The following CNTNAP2 variants were observed in gnomAD, a reference collection of about 807,000 sequenced individuals.
CNTNAP2 encodes the protein contactin associated protein 2.
In CNTNAP2, 98 loss-of-function variants were observed where a neutral mutation model predicts 155.2. The ratio of observed to expected loss-of-function variants is 0.63; its 90% CI spans 0.54 to 0.75. The LOEUF (loss-of-function observed/expected upper bound fraction) is 0.75. Ranked by LOEUF, CNTNAP2 falls within the 30% of genes least tolerant of loss-of-function variation. CNTNAP2 has a pLI of 0.00. For missense variants in CNTNAP2, 1,727 were observed against 1,688.1 expected, an observed-to-expected ratio of 1.02 and a Z score of -0.40; for synonymous variants, 651 against 631.2, an observed-to-expected ratio of 1.03 and a Z score of -0.47.
In CNTNAP2 at chr7:146,169,326, A is replaced by G. The variant is rs563818953; in HGVS notation, c.97+52353A>G. ...TCAAGAATCTAAAGTAGTACCTGACATATAGTAAGTGCTTGATAAATATTT... is the reference window on the plus strand; with the variant it reads ...TCAAGAATCTAAAGTAGTACCTGACGTATAGTAAGTGCTTGATAAATATTT... On this transcript the variant is annotated intron_variant, in intron 1 of 23. Coordinates refer to ENST00000361727, the MANE Select transcript of CNTNAP2 (RefSeq NM_014141.6). Among the ~76,000 whole-genome samples the G allele has an allele frequency of 2.6e-5, 4 of 152,284 alleles. No homozygotes were observed. In the East Asian group the frequency reaches 7.8e-4, roughly 30 times the overall value.
chr7:147,583,503 C>CATATATATATATAT lies in CNTNAP2; in HGVS notation c.1897+21262_1897+21275dup, dbSNP rs71183019. 5.4e-3 allele frequency among the ~76,000 whole-genome samples: 702 copies of CATATATATATATAT among 129,030 alleles called. 10 individuals are homozygous for CATATATATATATAT. The highest frequency in any genetic ancestry group is 0.017 in the African/African-American group (578 of 33,106). The allele number at this position is 129,030 out of a possible 152,430, so 84.6% of individuals were successfully genotyped here. On this transcript the variant is annotated intron_variant, in intron 12 of 23. Coordinates refer to ENST00000361727, the MANE Select transcript of CNTNAP2 (RefSeq NM_014141.6). ...TTATATATATATATAAAAGACATGA[C>CATATATATATATAT]ATATATATATATATATATATATATA...
rs188590543 is a variant in CNTNAP2, at chr7:146,407,453, G to A, written c.97+290480G>A. Among the ~76,000 whole-genome samples the A allele has an allele frequency of 2.8e-4, 42 of 152,172 alleles. No individual in the cohort carries two copies. The East Asian group carries it at 3.7e-3, about 13-fold the overall frequency. ...TCAAAATATAAATATCTTAAGACTGGACACATTAAATTCACTGTTATAGTG... is the reference window on the plus strand; with the variant it reads ...TCAAAATATAAATATCTTAAGACTGAACACATTAAATTCACTGTTATAGTG... On this transcript the variant is annotated intron_variant, in intron 1 of 23. Coordinates refer to ENST00000361727, the MANE Select transcript of CNTNAP2 (RefSeq NM_014141.6).
At chr7:147,077,928 C>T (rs1800027538) in intron 4 of CNTNAP2, among the ~76,000 whole-genome samples, 1 of 152,140 alleles carries the variant, frequency 6.6e-6, no homozygotes, top group South Asian at 2.1e-4. Context: ...CAGAACATAT[C>T]ACTTTATTCA....
chr7:146,818,077 TTTTTCCTCA>T (rs1803208500), intron 2 of CNTNAP2, among the ~76,000 whole-genome samples: 1 of 152,162 alleles, frequency 6.6e-6, no homozygotes, highest in Admixed American at 6.5e-5. Context: ...GTACTTTATA[TTTTTCCTCA>T]TTTGTTTATA....
chr7:146,397,871 C>CTTTTTTTTT (rs1438446898), intron 1 of CNTNAP2, among the ~76,000 whole-genome samples: 5 of 126,918 alleles, frequency 3.9e-5, no homozygotes, highest in South Asian at 2.2e-4. Context: ...ATTTGACAGG[C>CTTTTTTTTT]TTTTATTTAT....
At chr7:146,696,238 C>T (rs115969216) in intron 1 of CNTNAP2, among the ~76,000 whole-genome samples, 1,916 of 152,234 alleles carry the variant, frequency 0.013, 41 homozygotes, top group African/African-American at 0.043. Flanking sequence ...ATTTATTTCT[C>T]CCTGTGTGCA....
chr7:148,330,201 G>A (rs1436873071), intron 21 of CNTNAP2, among the ~76,000 whole-genome samples: 2 of 150,256 alleles, frequency 1.3e-5, no homozygotes, highest in African/African-American at 4.9e-5. Context: ...ATGGGTGGAT[G>A]GAGTGGATGG....
intron 2 of CNTNAP2, among the ~76,000 whole-genome samples, chr7:146,813,337 C>T (rs74439858): frequency 0.059 from 8,956 of 152,268 alleles, 355 homozygotes; most frequent in Non-Finnish European, 0.093. Flanking sequence ...GGCGGAGCTC[C>T]TGAAGGTTGT....
intron 10 of CNTNAP2, among the ~76,000 whole-genome samples, chr7:147,412,662 A>G (rs1797124574): frequency 6.6e-6 from 1 of 152,204 alleles, no homozygotes; most frequent in Non-Finnish European, 1.5e-5. Flanking sequence ...TAATAGTAGC[A>G]TAAAAAAGGA....
chr7:146,239,751 A>G (rs1484330629), intron 1 of CNTNAP2, among the ~76,000 whole-genome samples: 2 of 152,250 alleles, frequency 1.3e-5, no homozygotes, highest in South Asian at 2.1e-4. Flanking sequence ...TGAGCATTTT[A>G]TGAATGCACC....
chr7:146,287,649 A>G (rs977119779), intron 1 of CNTNAP2, among the ~76,000 whole-genome samples: 1 of 152,214 alleles, frequency 6.6e-6, no homozygotes, highest in African/African-American at 2.4e-5. Context: ...TAAGCAAAAT[A>G]TGCTTACATA....
intron 1 of CNTNAP2, among the ~76,000 whole-genome samples, chr7:146,129,680 A>G (rs1301968905): frequency 6.6e-6 from 1 of 152,192 alleles, no homozygotes; most frequent in Non-Finnish European, 1.5e-5. Flanking sequence ...TCTACATTTT[A>G]GTTTAAAAAT....
intron 13 of CNTNAP2, among the ~76,000 whole-genome samples, chr7:147,864,853 A>G (rs1488141629): frequency 3.3e-5 from 5 of 152,214 alleles, no homozygotes; most frequent in Non-Finnish European, 7.3e-5. Context: ...TTCTAAATAT[A>G]CAATCATGTC....
intron 1 of CNTNAP2, among the ~76,000 whole-genome samples, chr7:146,261,500 G>T (rs117808852): frequency 0.01 from 1,556 of 151,320 alleles, 14 homozygotes; most frequent in Non-Finnish European, 0.018. Flanking sequence ...TGAGAGGGAG[G>T]GCACACCAAA....
At chr7:147,220,309 T>C (rs1803366153) in intron 8 of CNTNAP2, among the ~76,000 whole-genome samples, 2 of 152,194 alleles carry the variant, frequency 1.3e-5, no homozygotes, top group Admixed American at 6.5e-5. Flanking sequence ...TTTCTTTTGA[T>C]TAGTGTTAAC....
chr7:147,095,410 G>T (rs896836120), intron 4 of CNTNAP2, among the ~76,000 whole-genome samples: 3 of 151,730 alleles, frequency 2.0e-5, no homozygotes, highest in African/African-American at 7.3e-5. Context: ...ACATCTAAAG[G>T]CCCCAACTCC....
chr7:146,469,148 G>C (rs1211014101), intron 1 of CNTNAP2, among the ~76,000 whole-genome samples: 1 of 152,196 alleles, frequency 6.6e-6, no homozygotes, highest in Non-Finnish European at 1.5e-5. Context: ...GTTGCAGGAA[G>C]TGCTGGAGGT....
At chr7:147,832,146 TAA>T in intron 13 of CNTNAP2, among the ~76,000 whole-genome samples, 1 of 147,234 alleles carries the variant, frequency 6.8e-6, no homozygotes, top group Non-Finnish European at 1.5e-5. Flanking sequence ...TATTTTTAAA[TAA>T]ATATATAATT....
chr7:148,028,821 C>T (rs915699095), intron 15 of CNTNAP2, among the ~76,000 whole-genome samples: 4 of 152,058 alleles, frequency 2.6e-5, no homozygotes, highest in African/African-American at 7.2e-5. Context: ...GAAACAACAC[C>T]ATCTCCCCAG....
Sources: allele counts gnomAD v4.1 joint callset (sites outside exome capture counted in the v4.1 genomes callset), GRCh38; gene constraint gnomAD v4.1.1; transcripts MANE v1.5; gene names NCBI Gene and HGNC (gene_info 2026-07-23, HGNC 2026-07-21).